Variants in FAM229B observed in about 807,000 individuals in gnomAD.
The protein encoded by FAM229B is protein FAM229B.
In FAM229B, 2 loss-of-function variants were observed where a neutral mutation model predicts 6.7. The observed-to-expected ratio is 0.30, with a 90% CI of 0.12 to 0.94. The LOEUF is 0.94. Among genes scored for constraint, FAM229B ranks in the 40% least tolerant of loss-of-function variants. FAM229B has a pLI of 0.54. For synonymous variants in FAM229B, 29 were observed against 34.0 expected (o/e 0.85, Z 0.51); for missense variants, 93 against 96.2 (o/e 0.97, Z 0.14).
intron 1 of FAM229B, among the ~76,000 whole-genome samples, chr6:112,088,139 C>T (rs926095860): frequency 3.3e-5 from 5 of 152,102 alleles, no homozygotes; most frequent in Admixed American, 2.0e-4. Context: ...AAGACATACA[C>T]GCGAAATACT....
At chr6:112,099,674 C>A (rs1777370204) in intron 3 of FAM229B, among the ~76,000 whole-genome samples, 1 of 152,132 alleles carries the variant, frequency 6.6e-6, no homozygotes, top group Non-Finnish European at 1.5e-5. Context: ...ACACAATTAC[C>A]TTTGCACCAA....
intron 1 of FAM229B, among the ~76,000 whole-genome samples, chr6:112,091,384 A>T (rs1777254976): frequency 1.3e-5 from 2 of 152,172 alleles, no homozygotes; most frequent in Non-Finnish European, 2.9e-5. Context: ...ACTGGAAATA[A>T]GCGGGCAGAA....
chr6:112,097,937 G>A (rs1182489672), intron 2 of FAM229B, among the ~76,000 whole-genome samples: 1 of 152,190 alleles, frequency 6.6e-6, no homozygotes, highest in African/African-American at 2.4e-5. Flanking sequence ...GGGCAGTTTT[G>A]CCTCTCTCTC....
At chr6:112,099,912 A>G (rs782604144) in intron 3 of FAM229B, among the ~76,000 whole-genome samples, 3 of 152,344 alleles carry the variant, frequency 2.0e-5, no homozygotes, top group South Asian at 4.1e-4. Flanking sequence ...TCTGTGAGAC[A>G]AAGTGTTTTT....
rs782741746 is a variant in FAM229B, at chr6:112,100,637, A to G, written c.126-33A>G. On this transcript the variant is annotated intron_variant, in intron 3 of 3. Transcript: ENST00000368656. ...AAAAAAAATATTTCCTCTTTTTAGT[A>G]TCTAACTACATGTCATCTGCTTTTT... 7 of 1,416,812 alleles carry G rather than the reference A, an allele frequency of 4.9e-6. No individual in the cohort carries two copies. In the East Asian group the frequency reaches 1.4e-4, roughly 28 times the overall value. The allele number at this position is 1,416,812 out of a possible 1,614,324, so 87.8% of individuals were successfully genotyped here.
intron 1 of FAM229B, among the ~76,000 whole-genome samples, chr6:112,096,233 G>A (rs1777323635): frequency 6.6e-6 from 1 of 152,142 alleles, no homozygotes; most frequent in Non-Finnish European, 1.5e-5. Flanking sequence ...AGGGCTCAGG[G>A]AACAGAATAA....
Position 112,101,028 on chromosome 6 carries a change from A to G in FAM229B, c.*241A>G. On this transcript the variant is annotated 3_prime_UTR_variant, in exon 4 of 4. Coordinates refer to ENST00000368656, the MANE Select transcript of FAM229B (RefSeq NM_001033564.3). The stretch of plus-strand genomic sequence containing the variant: ...ACAATTAGAAAGTACCTTAGAGATC[A>G]TCTTGCTCACAGTAGATCATTAATA... The G allele has an allele frequency of 2.6e-6, 1 of 381,562 alleles. No homozygotes were observed. Among genetic ancestry groups the G allele is most frequent in the Non-Finnish European group, 4.7e-6 (1 of 212,264 alleles). 23.6% of individuals were successfully genotyped at this position (381,562 alleles called of 1,614,324 possible). A position where few individuals can be genotyped will look rare whatever the true frequency, so the allele number is the denominator to read the frequency against.
Position 112,097,202 on chromosome 6 carries a change from G to C in FAM229B, c.-15+1G>C, listed in dbSNP as rs1244802704. The C allele has an allele frequency of 1.3e-5, 2 of 152,140 alleles. No homozygotes were observed. Among genetic ancestry groups the C allele is most frequent in the Non-Finnish European group, 2.9e-5 (2 of 68,020 alleles). 9.4% of individuals were successfully genotyped at this position (152,140 alleles called of 1,614,324 possible). A position where few individuals can be genotyped will look rare whatever the true frequency, so the allele number is the denominator to read the frequency against. On this transcript the variant is annotated splice_donor_variant, in intron 2 of 3. Coordinates refer to ENST00000368656, the MANE Select transcript of FAM229B (RefSeq NM_001033564.3). LOFTEE classifies it low-confidence loss of function (5UTR_SPLICE). ...CAGGAATCAGACTCAGCCTCTTTTG[G>C]TAAGTCTATTTATCCTTGATCAAAT...
At chr6:112,091,422 G>A (rs1210959904) in intron 1 of FAM229B, among the ~76,000 whole-genome samples, 2 of 152,134 alleles carry the variant, frequency 1.3e-5, no homozygotes, top group African/African-American at 4.8e-5. Flanking sequence ...ATAGGGCTAG[G>A]ACTAATTCAC....
chr6:112,087,690 C>T lies in FAM229B; in HGVS notation c.-206C>T. On this transcript the variant is annotated 5_prime_UTR_variant, in exon 1 of 4. Coordinates refer to ENST00000368656, the MANE Select transcript of FAM229B (RefSeq NM_001033564.3). ...CTGCCTTGTCAACATCTTCGAGCAT[C>T]GGCAGCTCCGGAGGCCGGGGTAACT... is the stretch of plus-strand genomic sequence containing the variant. The T allele has an allele frequency of 2.1e-6, 1 of 467,724 alleles. No homozygotes were observed. Among genetic ancestry groups the T allele is most frequent in the East Asian group, 3.4e-5 (1 of 29,510 alleles). 29.0% of individuals were successfully genotyped at this position (467,724 alleles called of 1,614,324 possible). A position where few individuals can be genotyped will look rare whatever the true frequency, so the allele number is the denominator to read the frequency against.
chr6:112,099,489 C>A, intron 3 of FAM229B, 81 bp downstream of exon 3: 2 of 1,342,082 alleles, frequency 1.5e-6, no homozygotes, highest in Admixed American at 2.5e-5. Context: ...TCATTATTAG[C>A]AAGAAAAAAC....
chr6:112,095,674 AAAAG>A, intron 1 of FAM229B, among the ~76,000 whole-genome samples: 1 of 136,284 alleles, frequency 7.3e-6, no homozygotes, highest in Non-Finnish European at 1.5e-5. Context: ...AAAAAAAAAA[AAAAG>A]AAAAAAAAAA....
intron 1 of FAM229B, among the ~76,000 whole-genome samples, chr6:112,090,544 A>G (rs1777243885): frequency 6.7e-6 from 1 of 149,818 alleles, no homozygotes; most frequent in South Asian, 2.1e-4. Context: ...ATACATCAGC[A>G]TAAACTTTGT....
chr6:112,093,048 C>T (rs974064760), intron 1 of FAM229B, among the ~76,000 whole-genome samples: 3 of 151,764 alleles, frequency 2.0e-5, no homozygotes, highest in Non-Finnish European at 3.0e-5. Context: ...CCGTATCTAT[C>T]ATATTAAATA....
rs782281193 is a variant in FAM229B, at chr6:112,100,832, G to T, written c.*45G>T. 2.9e-6 allele frequency: 4 copies of T among 1,372,126 alleles called. No individual in the cohort carries two copies. The African/African-American group carries it at 4.3e-5, about 15-fold the overall frequency. 85.0% of individuals were successfully genotyped at this position (1,372,126 alleles called of 1,614,324 possible). A position where few individuals can be genotyped will look rare whatever the true frequency, so the allele number is the denominator to read the frequency against. On this transcript the variant is annotated 3_prime_UTR_variant, in exon 4 of 4. Transcript: ENST00000368656. ...AAGGTCTGACTAGGTCAAGGGTAAT[G>T]GACCAGTATCATCTGGTGATCTGGT...
chr6:112,090,624 A>T (rs1174982813), intron 1 of FAM229B, among the ~76,000 whole-genome samples: 1 of 152,078 alleles, frequency 6.6e-6, no homozygotes, highest in Non-Finnish European at 1.5e-5. Context: ...TGTACATGAT[A>T]CATGTCCATT....
intron 1 of FAM229B, among the ~76,000 whole-genome samples, chr6:112,091,354 G>GT (rs1777254412): frequency 6.6e-6 from 1 of 152,116 alleles, no homozygotes; most frequent in Admixed American, 6.5e-5. Flanking sequence ...TGGAAACTAT[G>GT]TAAGACTGAG....
At chr6:112,094,352 C>T (rs1057448406) in intron 1 of FAM229B, among the ~76,000 whole-genome samples, 16 of 152,136 alleles carry the variant, frequency 1.1e-4, no homozygotes, top group Admixed American at 3.9e-4. Context: ...TTTGCTCCTG[C>T]GTGATTTGGC....
intron 1 of FAM229B, among the ~76,000 whole-genome samples, chr6:112,095,635 C>CAAAAAAAAAAAAAAAAAACAAAAAAA (rs1777311466): frequency 2.0e-5 from 1 of 48,796 alleles, no homozygotes; most frequent in African/African-American, 7.7e-5. Context: ...GACCCTGTCT[C>CAAAAAAAAAAAAAAAAAACAAAAAAA]AAAAAAAAAA....
Sources: gnomAD v4.1 joint callset for allele counts (sites outside exome capture counted in the v4.1 genomes callset) on GRCh38, gnomAD v4.1.1 for gene constraint, MANE v1.5 for transcripts, NCBI Gene and HGNC (gene_info 2026-07-23, HGNC 2026-07-21) for gene names.